The following NEK2 variants were observed in gnomAD, a reference collection of about 807,000 sequenced individuals.
NEK2 encodes the protein serine/threonine-protein kinase Nek2.
Under a neutral mutation model 54.1 loss-of-function variants are expected in NEK2, and 28 were observed. That is an observed-to-expected ratio of 0.52 (90% CI 0.38 to 0.71). The LOEUF (loss-of-function observed/expected upper bound fraction) is 0.71. Ranked by LOEUF, NEK2 falls within the 30% of genes least tolerant of loss-of-function variation. NEK2 has a pLI of 0.00. For synonymous variants in NEK2, 176 were observed against 193.1 expected (o/e 0.91, Z 0.73); for missense variants, 407 against 531.5 (o/e 0.77, Z 2.30).
At chr1:211,659,824 C>G (rs529401217), downstream of NEK2, among the ~76,000 whole-genome samples, 1 of 111,464 alleles carries the variant, frequency 9.0e-6, no homozygotes, top group East Asian at 3.3e-4. Flanking sequence ...CCACCCCCCA[C>G]CCACCTGCCC....
At chr1:211,668,021 G>A (rs940001638) in intron 6 of NEK2, among the ~76,000 whole-genome samples, 14 of 151,836 alleles carry the variant, frequency 9.2e-5, no homozygotes, top group Non-Finnish European at 1.8e-4. Context: ...ACTTCAGCCT[G>A]GGCAACAAGA....
At chr1:211,666,417 C>A (rs777463160) in intron 7 of NEK2, 16 of 781,078 alleles carry the variant, frequency 2.0e-5, no homozygotes, top group Non-Finnish European at 2.2e-5. Context: ...TGAGGCATGG[C>A]AATATTAAAA....
chr1:211,666,466 A>G (rs1655180729), intron 7 of NEK2: 1 of 971,756 alleles, frequency 1.0e-6, no homozygotes, highest in Non-Finnish European at 1.2e-6. Flanking sequence ...TCTCTCTGAA[A>G]TCTGAAACAT....
In NEK2 at chr1:211,662,878, G is replaced by C; in HGVS notation, c.*548C>G. 1 of 985,050 alleles carries C rather than the reference G, an allele frequency of 1.0e-6. No homozygotes were observed. Among genetic ancestry groups the C allele is most frequent in the East Asian group, 1.1e-4 (1 of 8,816 alleles). The allele number at this position is 985,050 out of a possible 1,614,324, so 61.0% of individuals were successfully genotyped here. A position where few individuals can be genotyped will look rare whatever the true frequency, so the allele number is the denominator to read the frequency against. On this transcript the variant is annotated 3_prime_UTR_variant, in exon 8 of 8. Coordinates refer to ENST00000366999, the MANE Select transcript of NEK2 (RefSeq NM_002497.4). The surrounding 1 kb of genome is among the most constrained non-coding windows in gnomAD (Gnocchi z 4.2). ...AAAAAAAAAGAATACAAACATCACAGTGATGAATTTTCACAAAGCTAACAG... is the reference window on the plus strand; with the variant it reads ...AAAAAAAAAGAATACAAACATCACACTGATGAATTTTCACAAAGCTAACAG...
Position 211,663,278 on chromosome 1 carries a change from C to A in NEK2, c.*148G>T. ...ATTTTGTACAATAGTTGCTGAAGAA[C>A]AGTAAAACCAATTCCGAAATATCAT... is the stretch of plus-strand genomic sequence containing the variant. On this transcript the variant is annotated 3_prime_UTR_variant, in exon 8 of 8. Transcript: ENST00000366999. 2.1e-6 allele frequency: 3 copies of A among 1,412,238 alleles called. No homozygotes were observed. The highest frequency in any genetic ancestry group is 1.8e-5 in the South Asian group (1 of 56,834). The allele number at this position is 1,412,238 out of a possible 1,614,324, so 87.5% of individuals were successfully genotyped here.
At position 211,667,207 on chromosome 1, in the gene NEK2, C is replaced by T. The variant is rs763584429; in HGVS notation, c.1010G>A (p.Arg337His). The T allele has an allele frequency of 9.3e-6, 15 of 1,607,454 alleles. No individual in the cohort carries two copies. The highest frequency in any genetic ancestry group is 9.0e-5 in the East Asian group (4 of 44,594). The change falls in exon 7 of 8, where the codon CGT becomes CAT. Residue 337 changes from arginine (R) to histidine (H), a missense_variant. By Grantham distance (29) the Arg-to-His change is conservative. Coordinates refer to ENST00000366999, the MANE Select transcript of NEK2 (RefSeq NM_002497.4). Reference sequence around the variant, plus strand: ...CAGTTTGTCCTCTGCTAGTCTCTCACGAACACAAAGCTCCTGTTCTTTCTC... The same window carrying T: ...CAGTTTGTCCTCTGCTAGTCTCTCATGAACACAAAGCTCCTGTTCTTTCTC... ...LEQKEQELCV[R>H]ERLAEDKLAR...
At chr1:211,664,785 A>T (rs35573429) in intron 7 of NEK2, among the ~76,000 whole-genome samples, 10 of 152,202 alleles carry the variant, frequency 6.6e-5, no homozygotes, top group African/African-American at 1.9e-4. Context: ...ATACCTTTAC[A>T]TTTGTAAGTC....
At position 211,662,802 on chromosome 1, in the gene NEK2, GT is replaced by G. The variant is rs1655053041; in HGVS notation, c.*623del. On this transcript the variant is annotated 3_prime_UTR_variant, in exon 8 of 8. Transcript: ENST00000366999. This position sits in a 1 kb window ranked among gnomAD's most constrained non-coding sequence, Gnocchi z 4.2. ...GGAAACTGAAGAATTCTTTTATTTAGTGGGAAAGAAGTAGGTAAATGACAGA... is the reference window on the plus strand; with the variant it reads ...GGAAACTGAAGAATTCTTTTATTTAGGGGAAAGAAGTAGGTAAATGACAGA... 4.1e-6 allele frequency: 4 copies of G among 985,040 alleles called. No individual in the cohort carries two copies. The highest frequency in any genetic ancestry group is 5.2e-4 in the Middle Eastern group (1 of 1,914). The allele number at this position is 985,040 out of a possible 1,614,324, so 61.0% of individuals were successfully genotyped here.
At chr1:211,659,681 T>G (rs751221532), downstream of NEK2, among the ~76,000 whole-genome samples, 10 of 152,214 alleles carry the variant, frequency 6.6e-5, no homozygotes, top group Non-Finnish European at 1.0e-4. Flanking sequence ...TGCTGACGTC[T>G]TCAGGCAAAT....
At chr1:211,667,338 A>T in intron 6 of NEK2, 107 bp from the exon 7 acceptor site, 2 of 1,067,778 alleles carry the variant, frequency 1.9e-6, no homozygotes, top group Non-Finnish European at 2.6e-6. Context: ...GATACTGATA[A>T]GCAATGTTTG....
Position 211,673,617 on chromosome 1 carries a change from C to T in NEK2, c.421G>A (p.Asp141Asn), listed in dbSNP as rs770318535. Reference protein sequence around the residue: ...SDGGHTVLHRDLKPANVFLDG... With the variant: ...SDGGHTVLHRNLKPANVFLDG... ...AGGAAAACATTGGCTGGTTTCAGAT[C>T]CCGATGCAATACGGTATGACCACCA... Residue 141 changes from aspartate (D) to asparagine (N), a missense_variant, in exon 3 of 8, where the codon GAT (aspartate) becomes AAT (asparagine). Transcript: ENST00000366999. The T allele has an allele frequency of 2.4e-5, 39 of 1,614,108 alleles. No homozygotes were observed. The highest frequency in any genetic ancestry group is 3.3e-5 in the Non-Finnish European group (39 of 1,180,024).
chr1:211,666,869 TA>T, intron 7 of NEK2: 2 of 1,249,396 alleles, frequency 1.6e-6, no homozygotes, highest in Non-Finnish European at 1.0e-6. Context: ...TTTGATAAGG[TA>T]AAGAAAATCA....
intron 1 of NEK2, among the ~76,000 whole-genome samples, chr1:211,675,009 C>A (rs1655533818): frequency 6.6e-6 from 1 of 152,196 alleles, no homozygotes; most frequent in Non-Finnish European, 1.5e-5. Context: ...GGGAGTCTGA[C>A]TGCAGATACA....
At chr1:211,669,528 G>A (rs912031088) in intron 5 of NEK2, 196 bp from the exon 6 acceptor site, 9 of 586,736 alleles carry the variant, frequency 1.5e-5, no homozygotes, top group Admixed American at 9.4e-5. Context: ...ACAAGGTAAT[G>A]CAGATGTTAA....
chr1:211,660,786 C>G, downstream of NEK2: 1 of 695,562 alleles, frequency 1.4e-6, no homozygotes, highest in Non-Finnish European at 2.7e-6. Flanking sequence ...AGAGCTCAAT[C>G]AGGTTCAGGT....
chr1:211,663,629 C>T lies in NEK2; in HGVS notation c.1135G>A (p.Val379Ile). 6.2e-7 allele frequency: 1 copy of T among 1,613,606 alleles called. No individual in the cohort carries two copies. The highest frequency in any genetic ancestry group is 8.5e-7 in the Non-Finnish European group (1 of 1,179,738). ...CTGAAATGAACTTTCTTCTTAATTA[C>T]TGAGGATGGAAGATTAAGAAGTTCT... ...NPELLNLPSS[V>I]IKKKVHFSGE... Residue 379 changes from valine (V) to isoleucine (I), a missense_variant, in exon 8 of 8, where the codon GTA (valine) becomes ATA (isoleucine). Val to Ile is a conservative substitution (Grantham distance 29). Transcript: ENST00000366999.
At chr1:211,667,013 G>A in intron 7 of NEK2, 93 bp downstream of exon 7, 3 of 1,553,892 alleles carry the variant, frequency 1.9e-6, no homozygotes, top group Non-Finnish European at 2.6e-6. Flanking sequence ...ATTTGTAAAT[G>A]AAAAGGGCTA....
chr1:211,671,857 A>G (rs1005882525), intron 3 of NEK2, among the ~76,000 whole-genome samples: 2 of 152,214 alleles, frequency 1.3e-5, no homozygotes, highest in Non-Finnish European at 1.5e-5. Context: ...TTAAAGTCCA[A>G]CTGGTGAGTC....
rs576073532 is a variant in NEK2, at chr1:211,673,372, C to G, written c.555+111G>C. On this transcript the variant is annotated intron_variant, in intron 3 of 7. Transcript: ENST00000366999. ...GAGATTGCAGTGAGCCCAGATCGCA[C>G]CACTGCACTCCAGCCTGGGCAACAG... The G allele has an allele frequency of 2.3e-5, 30 of 1,330,108 alleles. No homozygotes were observed. In the Admixed American group the frequency reaches 3.3e-4, roughly 15 times the overall value. 82.4% of individuals were successfully genotyped at this position (1,330,108 alleles called of 1,614,324 possible).
Sources: gnomAD v4.1 joint callset for allele counts (sites outside exome capture counted in the v4.1 genomes callset) on GRCh38, gnomAD v4.1.1 for gene constraint, Gnocchi (gnomAD v3.1) non-coding constraint, MANE v1.5 for transcripts, NCBI Gene and HGNC (gene_info 2026-07-23, HGNC 2026-07-21) for gene names.